Variants in NHLH2 observed in about 807,000 individuals in gnomAD.
NHLH2 encodes nescient helix-loop-helix 2.
NHLH2 carries 7 observed loss-of-function variants against 7.3 expected under a neutral mutation model. That is an observed-to-expected ratio of 0.96 (90% CI 0.55 to 1.81). The LOEUF is 1.81. Among genes scored for constraint, NHLH2 ranks in the 40% most tolerant of loss-of-function variants. The pLI, the probability that NHLH2 is intolerant of heterozygous loss-of-function variation, is 0.00. For missense variants in NHLH2, 155 were observed against 194.0 expected (o/e 0.80, Z 1.19); for synonymous variants, 93 against 91.6 (o/e 1.01, Z -0.09).
chr1:115,834,754 G>A (rs182002588), downstream of NHLH2, among the ~76,000 whole-genome samples: 6 of 152,098 alleles, frequency 3.9e-5, no homozygotes, highest in Admixed American at 3.3e-4. Flanking sequence ...GGGTTTTTTC[G>A]CTTCAGTGTA....
intron 2 of NHLH2, chr1:115,838,654 G>C: frequency 2.5e-6 from 1 of 392,550 alleles, no homozygotes; most frequent in Non-Finnish European, 4.7e-6. Flanking sequence ...GGCCACAGCG[G>C]GCCTGTGGCC....
downstream of NHLH2, among the ~76,000 whole-genome samples, chr1:115,833,441 C>T (rs948904249): frequency 6.6e-6 from 1 of 152,088 alleles, no homozygotes; most frequent in African/African-American, 2.4e-5. Context: ...CTGAAGCTTT[C>T]CCTAGGCACA....
At chr1:115,840,848 T>A (rs1309012605) in intron 1 of NHLH2, 100 bp downstream of exon 1, 1 of 166,346 alleles carries the variant, frequency 6.0e-6, no homozygotes, top group Non-Finnish European at 1.5e-5. Context: ...TCCTCTTCCC[T>A]CACTTACTTG....
chr1:115,838,587 G>C (rs1650956850), intron 2 of NHLH2: 2 of 502,032 alleles, frequency 4.0e-6, no homozygotes, highest in Middle Eastern at 5.4e-4. Context: ...CGCGGGAGCC[G>C]GCGGGGACGC....
At chr1:115,833,925 C>T (rs1005736597), downstream of NHLH2, among the ~76,000 whole-genome samples, 16 of 152,186 alleles carry the variant, frequency 1.1e-4, no homozygotes, top group Non-Finnish European at 2.2e-4. Context: ...TAAATCACAG[C>T]ATCACAGAGG....
downstream of NHLH2, among the ~76,000 whole-genome samples, chr1:115,831,572 A>T (rs1451691547): frequency 6.6e-6 from 1 of 152,144 alleles, no homozygotes; most frequent in Non-Finnish European, 1.5e-5. Flanking sequence ...GGGGACTTTC[A>T]CAGCTGATCT....
Position 115,838,199 on chromosome 1 carries a change from C to A in NHLH2, c.174G>T (p.Pro58=), listed in dbSNP as rs767845690. The change falls in exon 3 of 3, where the codon CCG becomes CCT. Residue 58 remains proline, a synonymous_variant. Transcript: ENST00000320238. ...GKGGSRAALY[P]HPQQLSREEK... is the part of the protein sequence containing the mutation. ...CCTCGCGGCTCAGCTGCTGCGGGTG[C>A]GGGTAGAGCGCGGCTCGGCTGCCGC... 2 of 1,566,586 alleles carry A rather than the reference C, an allele frequency of 1.3e-6. No homozygotes were observed. The highest frequency in any genetic ancestry group is 2.4e-5 in the East Asian group (1 of 42,184).
downstream of NHLH2, among the ~76,000 whole-genome samples, chr1:115,832,108 T>C (rs6670319): frequency 0.26 from 39,630 of 151,972 alleles, 5,301 homozygotes; most frequent in East Asian, 0.35. Flanking sequence ...AGTCTGTGCT[T>C]CTGACCAGTC....
At chr1:115,838,541 C>G (rs1315014599) in intron 2 of NHLH2, 161 bp from the exon 3 acceptor site, 1 of 720,456 alleles carries the variant, frequency 1.4e-6, no homozygotes, top group Non-Finnish European at 2.2e-6. Flanking sequence ...CCGATAGGAT[C>G]TGGCCCGAGG....
rs1277285245 is a variant in NHLH2 at position 115,838,301 on chromosome 1, CAG to C, written c.70_71del (p.Leu24GlyfsTer222). 6.2e-7 allele frequency: 1 copy of C among 1,609,046 alleles called. No homozygotes were observed. Among genetic ancestry groups the C allele is most frequent in the Admixed American group, 1.7e-5 (1 of 59,942 alleles). ...PSSAHSDPES[L>X]GGTDTKVLGS... The stretch of plus-strand genomic sequence containing the variant: ...CGAGCACCTTGGTGTCCGTGCCGCC[CAG>C]GGACTCCGGATCCGAGTGCGCCGAG... On this transcript the variant is annotated frameshift_variant, in exon 3 of 3. Transcript: ENST00000320238. LOFTEE classifies it high-confidence loss of function.
rs1240379466 is a variant in NHLH2, at chr1:115,838,311, G to A, written c.62C>T (p.Pro21Leu). The change falls in exon 3 of 3, where the codon CCG (proline) becomes CTG (leucine). Residue 21 changes from proline to leucine, a missense_variant. By Grantham distance (98) the Pro-to-Leu change is moderately conservative. This residue lies in a region of NHLH2 where 91 missense variants were observed against 86.6 expected (regional missense o/e 1.05). Transcript: ENST00000320238. Reference sequence around the variant, plus strand: ...GGTGTCCGTGCCGCCCAGGGACTCCGGATCCGAGTGCGCCGAGCTGGGATG... The same window carrying A: ...GGTGTCCGTGCCGCCCAGGGACTCCAGATCCGAGTGCGCCGAGCTGGGATG... ...SDHPSSAHSD[P>L]ESLGGTDTKV... 6.2e-7 allele frequency: 1 copy of A among 1,609,432 alleles called. No homozygotes were observed. Among genetic ancestry groups the A allele is most frequent in the Non-Finnish European group, 8.5e-7 (1 of 1,179,390 alleles).
downstream of NHLH2, among the ~76,000 whole-genome samples, chr1:115,835,646 C>G (rs955385384): frequency 5.3e-5 from 8 of 152,168 alleles, no homozygotes; most frequent in African/African-American, 1.7e-4. Flanking sequence ...GGCCAAGCAT[C>G]CATCTAACTG....
Position 115,837,955 on chromosome 1 carries a change from G to C in NHLH2, c.*10C>G. The C allele has an allele frequency of 6.3e-7, 1 of 1,588,242 alleles. No homozygotes were observed. The highest frequency in any genetic ancestry group is 8.5e-7 in the Non-Finnish European group (1 of 1,169,882). On this transcript the variant is annotated 3_prime_UTR_variant, in exon 3 of 3. Coordinates refer to ENST00000320238, the MANE Select transcript of NHLH2 (RefSeq NM_005599.3). The stretch of plus-strand genomic sequence containing the variant: ...GCCGGGACAGGCGGCCCCCCGCGGC[G>C]CACCCCGCCCTACACGTCCAGGACG...
downstream of NHLH2, among the ~76,000 whole-genome samples, chr1:115,835,426 C>T (rs1342605420): frequency 1.3e-5 from 2 of 152,214 alleles, no homozygotes; most frequent in African/African-American, 4.8e-5. Context: ...AGTAACCAGT[C>T]ATTGCTCTAG....
rs894695434 is a variant in NHLH2 at position 115,837,889 on chromosome 1, C to G, written c.*76G>C. The G allele has an allele frequency of 1.3e-5, 20 of 1,481,624 alleles. No individual in the cohort carries two copies. The South Asian group carries it at 2.2e-4, about 16-fold the overall frequency. The allele number at this position is 1,481,624 out of a possible 1,614,324, so 91.8% of individuals were successfully genotyped here. A position where few individuals can be genotyped will look rare whatever the true frequency, so the allele number is the denominator to read the frequency against. ...CTGGGCCACCGCAGCCTCCGCCACC[C>G]GAGCGACGGCGCCCGTCCGGATCCG... On this transcript the variant is annotated 3_prime_UTR_variant, in exon 3 of 3. Transcript: ENST00000320238.
In NHLH2 at chr1:115,836,723, C is replaced by T. The variant is rs978344789; in HGVS notation, c.*1242G>A. On this transcript the variant is annotated 3_prime_UTR_variant, in exon 3 of 3. Transcript: ENST00000320238. ...ATAACTTAATTTGCTAAATTCATCA[C>T]ACGCACAAACATCACACACACAAAG... 2.0e-5 allele frequency: 3 copies of T among 151,952 alleles called. No individual in the cohort carries two copies. Among genetic ancestry groups the T allele is most frequent in the Non-Finnish European group, 4.4e-5 (3 of 67,942 alleles). 9.4% of individuals were successfully genotyped at this position (151,952 alleles called of 1,614,324 possible).
downstream of NHLH2, among the ~76,000 whole-genome samples, chr1:115,836,138 A>C (rs1650866229): frequency 6.6e-6 from 1 of 152,178 alleles, no homozygotes; most frequent in African/African-American, 2.4e-5. Flanking sequence ...TATAAACACT[A>C]TACTTCTTTT....
chr1:115,837,945 C>T lies in NHLH2; in HGVS notation c.*20G>A, dbSNP rs553404647. 2.5e-6 allele frequency: 4 copies of T among 1,585,854 alleles called. No homozygotes were observed. Among genetic ancestry groups the T allele is most frequent in the Non-Finnish European group, 3.4e-6 (4 of 1,168,618 alleles). On this transcript the variant is annotated 3_prime_UTR_variant, in exon 3 of 3. Transcript: ENST00000320238. ...TTTCGCGGACGCCGGGACAGGCGGC[C>T]CCCCGCGGCGCACCCCGCCCTACAC...
chr1:115,838,631 T>C, intron 2 of NHLH2: 1 of 420,514 alleles, frequency 2.4e-6, no homozygotes, highest in East Asian at 4.3e-5. Context: ...ACTGGACACC[T>C]CGACTTGCAG....
Sources: gnomAD v4.1 joint callset for allele counts (sites outside exome capture counted in the v4.1 genomes callset) on GRCh38, gnomAD v4.1.1 for gene constraint, gnomAD v4.1.1 regional missense constraint, MANE v1.5 for transcripts, NCBI Gene and HGNC (gene_info 2026-07-23, HGNC 2026-07-21) for gene names.